Variants in CELF1 observed in about 807,000 individuals in gnomAD.
CELF1 encodes 50 kDa nuclear polyadenylated RNA-binding protein.
A neutral mutation model predicts 61.8 loss-of-function variants in CELF1; 10 were observed. The observed-to-expected ratio is 0.16, with a 90% CI of 0.10 to 0.27. CELF1 has a LOEUF of 0.27. Among genes scored for constraint, CELF1 ranks in the 10% least tolerant of loss-of-function variants. CELF1 has a pLI of 1.00. For synonymous variants in CELF1, 236 were observed against 225.1 expected, an observed-to-expected ratio of 1.05 and a Z score of -0.43; for missense variants, 380 against 639.1, an observed-to-expected ratio of 0.59 and a Z score of 4.37.
chr11:47,473,909 T>C (rs760264697), intron 13 of CELF1, among the ~76,000 whole-genome samples: 15 of 90,924 alleles, frequency 1.6e-4, no homozygotes, highest in Non-Finnish European at 3.0e-4. Context: ...TTCTTTTTTT[T>C]TCTTTCTTTT....
intron 9 of CELF1, 68 bp downstream of exon 9, chr11:47,482,627 A>G: frequency 6.8e-7 from 1 of 1,477,096 alleles, no homozygotes. Context: ...TTTGTTGGCT[A>G]GGGACAGCAG....
intron 1 of CELF1, among the ~76,000 whole-genome samples, chr11:47,502,393 A>G (rs1432532208): frequency 1.3e-5 from 2 of 152,216 alleles, no homozygotes; most frequent in Non-Finnish European, 1.5e-5. Flanking sequence ...AATTTTAGAA[A>G]GAGGTTATGA....
At chr11:47,497,168 G>A (rs1207673920) in intron 3 of CELF1, among the ~76,000 whole-genome samples, 3 of 152,178 alleles carry the variant, frequency 2.0e-5, no homozygotes, top group African/African-American at 4.8e-5. Flanking sequence ...GTCTCTAGAT[G>A]AAAAGTAATC....
chr11:47,537,966 C>CT (rs1341171020), intron 1 of CELF1, among the ~76,000 whole-genome samples: 1 of 150,762 alleles, frequency 6.6e-6, no homozygotes, highest in African/African-American at 2.4e-5. Context: ...CCCAGGCTGG[C>CT]TGGAGTACAT....
In CELF1 at chr11:47,472,286, T is replaced by C; in HGVS notation, c.1489A>G (p.Met497Val). 6.2e-7 allele frequency: 1 copy of C among 1,614,180 alleles called. No homozygotes were observed. Among genetic ancestry groups the C allele is most frequent in the Non-Finnish European group, 8.5e-7 (1 of 1,180,010 alleles). Residue 497 changes from methionine to valine, a missense_variant, in exon 15 of 15, where the codon ATG becomes GTG. Met to Val is a conservative substitution (Grantham distance 21). Coordinates refer to ENST00000687097, the MANE Select transcript of CELF1 (RefSeq NM_001376376.1). ...TTGAGCTGCACTTTAAGCCGCTTCATGCCAATCTGAAAGCCGTTCATGGAC... is the reference window on the plus strand; with the variant it reads ...TTGAGCTGCACTTTAAGCCGCTTCACGCCAATCTGAAAGCCGTTCATGGAC... ...IQSMNGFQIG[M>V]KRLKVQLKRS...
At position 47,470,909 on chromosome 11, in the gene CELF1, G is replaced by A. The variant is rs2077553042; in HGVS notation, c.*1321C>T. On this transcript the variant is annotated 3_prime_UTR_variant, in exon 15 of 15. Transcript: ENST00000687097. The stretch of plus-strand genomic sequence containing the variant: ...TAAGACCTGCAAGAGGCGGCAGGGA[G>A]CTAACTGTAGCACGAGGACAAAAAT... 1 of 152,228 alleles carries A rather than the reference G, an allele frequency of 6.6e-6. No homozygotes were observed. Among genetic ancestry groups the A allele is most frequent in the African/African-American group, 2.4e-5 (1 of 41,426 alleles). The allele number at this position is 152,228 out of a possible 1,614,324, so 9.4% of individuals were successfully genotyped here. A position where few individuals can be genotyped will look rare whatever the true frequency, so the allele number is the denominator to read the frequency against.
At chr11:47,484,291 G>T in intron 7 of CELF1, 98 bp downstream of exon 7, 1 of 1,339,610 alleles carries the variant, frequency 7.5e-7, no homozygotes, top group Non-Finnish European at 1.0e-6. Flanking sequence ...CTCCAGCCTG[G>T]GTGAGAGAGA....
chr11:47,491,982 G>A (rs1469340518), intron 3 of CELF1, among the ~76,000 whole-genome samples: 7 of 152,022 alleles, frequency 4.6e-5, no homozygotes, highest in Non-Finnish European at 7.4e-5. Context: ...GGATTAATAC[G>A]CCTTTTTCTT....
In CELF1 at chr11:47,504,902, CA is replaced by C. The variant is rs374401044; in HGVS notation, c.-153-3971del. ...GGGCGATAGAGTGAGACTCTGTCAC[CA>C]AAAAAAAAAAAAAAAAAATTTCCAT... On this transcript the variant is annotated intron_variant, in intron 1 of 14. Transcript: ENST00000687097. Among the ~76,000 whole-genome samples the C allele has an allele frequency of 2.4e-3, 256 of 107,878 alleles. 2 individuals carry two copies. The highest frequency in any genetic ancestry group is 3.4e-3 in the Admixed American group (34 of 9,976). 70.8% of individuals were successfully genotyped at this position (107,878 alleles called of 152,430 possible).
upstream of CELF1, among the ~76,000 whole-genome samples, chr11:47,556,172 C>T (rs531029162): frequency 4.4e-4 from 67 of 152,094 alleles, no homozygotes; most frequent in African/African-American, 1.6e-3. Flanking sequence ...GAGATTGTAA[C>T]ATTTTTTATT....
At chr11:47,482,914 A>G in intron 8 of CELF1, 58 bp from the exon 9 acceptor site, 3 of 1,531,234 alleles carry the variant, frequency 2.0e-6, no homozygotes, top group South Asian at 1.2e-5. Flanking sequence ...AAGAAAAAAA[A>G]TCTTCCTTTT....
intron 1 of CELF1, among the ~76,000 whole-genome samples, chr11:47,531,262 C>A (rs891585751): frequency 8.3e-4 from 123 of 148,704 alleles, no homozygotes; most frequent in African/African-American, 3.0e-3. Flanking sequence ...ACAACAACAA[C>A]AACAAAAAAC....
intron 2 of CELF1, among the ~76,000 whole-genome samples, chr11:47,561,486 C>G (rs1298018655): frequency 5.4e-5 from 8 of 147,768 alleles, no homozygotes; most frequent in African/African-American, 1.7e-4. Flanking sequence ...CAAAGAGACA[C>G]CACACCCACT....
rs33969247 is a variant in CELF1 at position 47,538,642 on chromosome 11, C to CAAA, written c.-154+14347_-154+14349dup. On this transcript the variant is annotated intron_variant, in intron 1 of 14. Coordinates refer to ENST00000687097, the MANE Select transcript of CELF1 (RefSeq NM_001376376.1). Reference sequence around the variant, plus strand: ...TGGGCAAAAGAGCAAGACTCCGTCTCAAAAAAAAAAAAAAAAAAAATCTCC... The same window carrying CAAA: ...TGGGCAAAAGAGCAAGACTCCGTCTCAAAAAAAAAAAAAAAAAAAAAAATCTCC... Among the ~76,000 whole-genome samples, 28 of 108,498 alleles carry CAAA rather than the reference C, an allele frequency of 2.6e-4. No individual in the cohort carries two copies. The South Asian group carries it at 4.3e-3, about 17-fold the overall frequency. The allele number at this position is 108,498 out of a possible 152,430, so 71.2% of individuals were successfully genotyped here. A position where few individuals can be genotyped will look rare whatever the true frequency, so the allele number is the denominator to read the frequency against.
In CELF1 at chr11:47,527,131, A is replaced by G. The variant is rs531986531; in HGVS notation, c.-154+25861T>C. Among the ~76,000 whole-genome samples, 15 of 152,276 alleles carry G rather than the reference A, an allele frequency of 9.9e-5. No homozygotes were observed. In the South Asian group the frequency reaches 3.1e-3, roughly 32 times the overall value. On this transcript the variant is annotated intron_variant, in intron 1 of 14. Transcript: ENST00000687097. ...GAGTACACAGCAGGATTCCAGCAGT[A>G]GAGGCACATTCATGTCCCATAAAAC...
intron 2 of CELF1, among the ~76,000 whole-genome samples, chr11:47,558,860 T>C (rs1412619092): frequency 2.3e-5 from 3 of 129,132 alleles, no homozygotes; most frequent in Non-Finnish European, 4.7e-5. Context: ...ATATATACAA[T>C]ATAATATAAT....
chr11:47,488,865 A>G lies in CELF1; in HGVS notation c.231T>C (p.Asp77=). 2 of 1,576,956 alleles carry G rather than the reference A, an allele frequency of 1.3e-6. No individual in the cohort carries two copies. Among genetic ancestry groups the G allele is most frequent in the Non-Finnish European group, 1.7e-6 (2 of 1,164,186 alleles). ...TGCTCTGAGGCGGGTTTTGGCTCCT[A>G]TCCCTTAGGACGTTGATTTCATACA... is the stretch of plus-strand genomic sequence containing the variant. ...GAVYEINVLR[D]RSQNPPQSKG... Residue 77 remains aspartate (D), a synonymous_variant, in exon 4 of 15, where the codon GAT becomes GAC. Coordinates refer to ENST00000687097, the MANE Select transcript of CELF1 (RefSeq NM_001376376.1).
chr11:47,509,057 A>G (rs1006151419), intron 1 of CELF1, among the ~76,000 whole-genome samples: 1 of 152,194 alleles, frequency 6.6e-6, no homozygotes, highest in African/African-American at 2.4e-5. Context: ...GGGGTGAGCC[A>G]CCGTGCCCGG....
intron 11 of CELF1, 21 bp from the exon 12 acceptor site, chr11:47,476,980 A>G: frequency 6.3e-7 from 1 of 1,584,604 alleles, no homozygotes; most frequent in Non-Finnish European, 8.7e-7. Context: ...GCAAGGAGTT[A>G]AAATTCAACC....
Sources: allele counts gnomAD v4.1 joint callset (sites outside exome capture counted in the v4.1 genomes callset), GRCh38; gene constraint gnomAD v4.1.1; transcripts MANE v1.5; gene names NCBI Gene and HGNC (gene_info 2026-07-23, HGNC 2026-07-21).